SLC8A2: variants seen among roughly 807,000 people sequenced by gnomAD.
SLC8A2 encodes the protein sodium/calcium exchanger 2.
Under a neutral mutation model 70.2 loss-of-function variants are expected in SLC8A2, and 14 were observed. The ratio of observed to expected loss-of-function variants is 0.20; its 90% CI spans 0.13 to 0.31. SLC8A2 has a LOEUF of 0.31. SLC8A2 is among the 10% of genes least tolerant of loss of function. The probability of loss-of-function intolerance (pLI) is 1.00; values close to 1 mark genes in which losing one functional copy is unlikely to be tolerated. For synonymous variants in SLC8A2, 575 were observed against 594.3 expected, an observed-to-expected ratio of 0.97 and a Z score of 0.47; for missense variants, 779 against 1,320.1, an observed-to-expected ratio of 0.59 and a Z score of 6.35.
At position 47,466,142 on chromosome 19, in the gene SLC8A2, T is replaced by A. The variant is rs1348400497; in HGVS notation, c.262A>T (p.Ile88Phe). Residue 88 changes from isoleucine to phenylalanine, a missense_variant, in exon 2 of 10, where the codon ATC becomes TTC. Around this residue, in one of 6 missense-constraint regions of SLC8A2, gnomAD observed 155 missense variants for 318.6 expected, o/e 0.49. Transcript: ENST00000236877. The surrounding 1 kb of genome is among the most constrained non-coding windows in gnomAD (Gnocchi z 6.9). ...GCCGCCATGAAACGGTCGGCGATGA[T>A]GGACACTCCCAGAAACATGTAGACC... ...AMVYMFLGVSIIADRFMAAIE... is the reference protein window; with the variant it reads ...AMVYMFLGVSFIADRFMAAIE... 1 of 1,614,092 alleles carries A rather than the reference T, an allele frequency of 6.2e-7. No homozygotes were observed. Among genetic ancestry groups the A allele is most frequent in the Non-Finnish European group, 8.5e-7 (1 of 1,180,030 alleles).
At chr19:47,435,584 T>C (rs143671194) in intron 8 of SLC8A2, among the ~76,000 whole-genome samples, 3,742 of 151,528 alleles carry the variant, frequency 0.025, 71 homozygotes, top group Non-Finnish European at 0.037. Context: ...AGTTTCGCTT[T>C]GTTGCCCAGG....
intron 8 of SLC8A2, among the ~76,000 whole-genome samples, chr19:47,433,934 G>A (rs1176219103): frequency 1.3e-5 from 2 of 152,134 alleles, no homozygotes; most frequent in Non-Finnish European, 1.5e-5. Flanking sequence ...GTCGGCCACC[G>A]TGCCCAGCCG....
At chr19:47,470,470 G>A (rs916192510) in intron 1 of SLC8A2, among the ~76,000 whole-genome samples, 1 of 151,840 alleles carries the variant, frequency 6.6e-6, no homozygotes, top group African/African-American at 2.4e-5. Context: ...TTCTCTCAAG[G>A]AAGGCAGACA....
At chr19:47,435,997 A>G (rs1451872067) in intron 8 of SLC8A2, among the ~76,000 whole-genome samples, 2 of 152,184 alleles carry the variant, frequency 1.3e-5, no homozygotes, top group Non-Finnish European at 2.9e-5. Flanking sequence ...GTGGTCCACA[A>G]GGAGCAGTGT....
At position 47,447,479 on chromosome 19, in the gene SLC8A2, C is replaced by T; in HGVS notation, c.1763+330G>A. The T allele has an allele frequency of 2.5e-6, 1 of 396,240 alleles. No homozygotes were observed. The highest frequency in any genetic ancestry group is 3.1e-5 in the South Asian group (1 of 32,572). The allele number at this position is 396,240 out of a possible 1,614,324, so 24.5% of individuals were successfully genotyped here. A position where few individuals can be genotyped will look rare whatever the true frequency, so the allele number is the denominator to read the frequency against. On this transcript the variant is annotated intron_variant, in intron 4 of 9. Coordinates refer to ENST00000236877, the MANE Select transcript of SLC8A2 (RefSeq NM_015063.3). This position sits in a 1 kb window ranked among gnomAD's most constrained non-coding sequence, Gnocchi z 5.1. Reference sequence around the variant, plus strand: ...GCCTCGCCTCTTCATTTCACAGTCACAACCCCACCAGGCCCCGCCCACGTG... The same window carrying T: ...GCCTCGCCTCTTCATTTCACAGTCATAACCCCACCAGGCCCCGCCCACGTG...
Position 47,448,011 on chromosome 19 carries a change from G to A in SLC8A2, c.1561C>T (p.His521Tyr). 6.4e-7 allele frequency: 1 copy of A among 1,563,310 alleles called. No homozygotes were observed. Among genetic ancestry groups the A allele is most frequent in the South Asian group, 1.2e-5 (1 of 86,264 alleles). Residue 521 changes from histidine to tyrosine, a missense_variant, in exon 4 of 10, where the codon CAC becomes TAC. This residue lies in a region of SLC8A2 where 247 missense variants were observed against 362.8 expected (regional missense o/e 0.68). Transcript: ENST00000236877. This position sits in a 1 kb window ranked among gnomAD's most constrained non-coding sequence, Gnocchi z 4.8. The stretch of plus-strand genomic sequence containing the variant: ...TCCTGGAAGGAGAAGATGCCTGCGT[G>A]GTCGTCGTCCAGGATGGTGACGGTG... Reference protein sequence around the residue: ...LATVTILDDDHAGIFSFQDRL... With the variant: ...LATVTILDDDYAGIFSFQDRL...
chr19:47,464,719 A>G (rs1967436383), intron 2 of SLC8A2, among the ~76,000 whole-genome samples: 1 of 152,234 alleles, frequency 6.6e-6, no homozygotes, highest in South Asian at 2.1e-4. Flanking sequence ...GCAAAAATAG[A>G]TTACACACAT....
chr19:47,464,609 A>G (rs1301034658), intron 2 of SLC8A2, among the ~76,000 whole-genome samples: 3 of 152,134 alleles, frequency 2.0e-5, no homozygotes, highest in Non-Finnish European at 2.9e-5. Context: ...TCCCTCTGTT[A>G]TATATCCTCC....
At position 47,448,319 on chromosome 19, in the gene SLC8A2, G is replaced by T; in HGVS notation, c.1341-88C>A. The T allele has an allele frequency of 9.9e-7, 1 of 1,010,934 alleles. No homozygotes were observed. Among genetic ancestry groups the T allele is most frequent in the Non-Finnish European group, 1.4e-6 (1 of 690,052 alleles). 62.6% of individuals were successfully genotyped at this position (1,010,934 alleles called of 1,614,324 possible). ...GGGGGGAGTCTGGACGTGCTTCCCA[G>T]AGGAGACGTAGGTGCCATAGAAGAA... is the stretch of plus-strand genomic sequence containing the variant. On this transcript the variant is annotated intron_variant, in intron 3 of 9. Coordinates refer to ENST00000236877, the MANE Select transcript of SLC8A2 (RefSeq NM_015063.3). The surrounding 1 kb of genome is among the most constrained non-coding windows in gnomAD (Gnocchi z 4.8).
chr19:47,437,851 T>G lies in SLC8A2; in HGVS notation c.2008A>C (p.Lys670Gln). The G allele has an allele frequency of 6.2e-7, 1 of 1,614,068 alleles. No homozygotes were observed. The highest frequency in any genetic ancestry group is 8.5e-7 in the Non-Finnish European group (1 of 1,179,992). Residue 670 changes from lysine (K) to glutamine (Q), a missense_variant and splice_region_variant, in exon 7 of 10, where the codon AAG (lysine) becomes CAG (glutamine). Coordinates refer to ENST00000236877, the MANE Select transcript of SLC8A2 (RefSeq NM_015063.3). ...EVIIEESYDFKNTVDKLIKKT... is the reference protein window; with the variant it reads ...EVIIEESYDFQNTVDKLIKKT... Reference sequence around the variant, plus strand: ...AAGGTGAGGCCCCGGAAAATCACCTTAAAATCATATGACTCCTCGATGATG... The same window carrying G: ...AAGGTGAGGCCCCGGAAAATCACCTGAAAATCATATGACTCCTCGATGATG...
chr19:47,462,254 TTTTC>T lies in SLC8A2; in HGVS notation c.675+3471_675+3474del, dbSNP rs747179975. On this transcript the variant is annotated intron_variant, in intron 2 of 9. Coordinates refer to ENST00000236877, the MANE Select transcript of SLC8A2 (RefSeq NM_015063.3). The stretch of plus-strand genomic sequence containing the variant: ...GTTTTATGTATTTCTTTCTTTTTCT[TTTTC>T]TTTCTTTCTTTCTTTCTCTTTTTGA... Among the ~76,000 whole-genome samples, 365 of 152,242 alleles carry T rather than the reference TTTTC, an allele frequency of 2.4e-3. 1 individual carries two copies. Among genetic ancestry groups the T allele is most frequent in the African/African-American group, 7.9e-3 (330 of 41,550 alleles).
chr19:47,452,074 G>A (rs1967241205), intron 3 of SLC8A2, among the ~76,000 whole-genome samples: 1 of 152,122 alleles, frequency 6.6e-6, no homozygotes, highest in East Asian at 1.9e-4. Context: ...TCAATTCAGT[G>A]TTAGATTTCT....
chr19:47,466,308 C>T lies in SLC8A2; in HGVS notation c.96G>A (p.Pro32=), dbSNP rs372124772. 11 of 1,490,808 alleles carry T rather than the reference C, an allele frequency of 7.4e-6. No individual in the cohort carries two copies. The highest frequency in any genetic ancestry group is 2.8e-5 in the African/African-American group (2 of 71,910). The allele number at this position is 1,490,808 out of a possible 1,614,324, so 92.3% of individuals were successfully genotyped here. Residue 32 remains proline (P), a synonymous_variant, in exon 2 of 10, where the codon CCG becomes CCA. Coordinates refer to ENST00000236877, the MANE Select transcript of SLC8A2 (RefSeq NM_015063.3). This position sits in a 1 kb window ranked among gnomAD's most constrained non-coding sequence, Gnocchi z 6.9. ...ATPTPSLPPP[P]ANDSDTSTGG... The stretch of plus-strand genomic sequence containing the variant: ...CTGTGCTGGTGTCGCTGTCATTGGC[C>T]GGGGGAGGCGGCAGGGAGGGGGTTG...
At chr19:47,457,778 TTTC>T (rs756460691) in intron 2 of SLC8A2, among the ~76,000 whole-genome samples, 184 bp from the exon 3 acceptor site, 21 of 143,084 alleles carry the variant, frequency 1.5e-4, no homozygotes, top group Admixed American at 3.5e-4. Context: ...TTTCTTTCTT[TTTC>T]TTTTCTTTTC....
In SLC8A2 at chr19:47,465,376, C is replaced by T. The variant is rs1599860361; in HGVS notation, c.675+353G>A. ...GCATGCATTACACAGATCACAGGGG[C>T]TCCGTTAGTACATACAACACCCTTT... On this transcript the variant is annotated intron_variant, in intron 2 of 9. Transcript: ENST00000236877. The surrounding 1 kb of genome is among the most constrained non-coding windows in gnomAD (Gnocchi z 5.5). 6.6e-6 allele frequency among the ~76,000 whole-genome samples: 1 copy of T among 152,322 alleles called. No homozygotes were observed. The highest frequency in any genetic ancestry group is 1.5e-5 in the Non-Finnish European group (1 of 68,028).
At chr19:47,470,684 A>G (rs909470759) in intron 1 of SLC8A2, among the ~76,000 whole-genome samples, 7 of 152,250 alleles carry the variant, frequency 4.6e-5, no homozygotes, top group Admixed American at 1.3e-4. Flanking sequence ...GAGGTATGGA[A>G]GTGAGACGGC....
chr19:47,449,159 G>A (rs1256001770), intron 3 of SLC8A2, among the ~76,000 whole-genome samples: 1 of 152,160 alleles, frequency 6.6e-6, no homozygotes, highest in African/African-American at 2.4e-5. Flanking sequence ...CAGGATGTCA[G>A]GTGGTGATGG....
At chr19:47,453,544 G>C (rs1440753623) in intron 3 of SLC8A2, among the ~76,000 whole-genome samples, 1 of 152,170 alleles carries the variant, frequency 6.6e-6, no homozygotes, top group Non-Finnish European at 1.5e-5. Context: ...AGGATAGGAA[G>C]ATGTTGACTC....
Position 47,466,582 on chromosome 19 carries a change from ACC to A in SLC8A2, c.-16-165_-16-164del, listed in dbSNP as rs1233590767. ...GAGACACAGAGAGTGACAGACAGAG[ACC>A]CACAGAGAGAGAGAGAGACTGAAAG... On this transcript the variant is annotated intron_variant, in intron 1 of 9. Transcript: ENST00000236877. This position sits in a 1 kb window ranked among gnomAD's most constrained non-coding sequence, Gnocchi z 6.9. Among the ~76,000 whole-genome samples the A allele has an allele frequency of 1.3e-5, 1 of 79,048 alleles. No individual in the cohort carries two copies. Among genetic ancestry groups the A allele is most frequent in the Admixed American group, 1.2e-4 (1 of 8,220 alleles). 51.9% of individuals were successfully genotyped at this position (79,048 alleles called of 152,430 possible).
Sources: allele counts gnomAD v4.1 joint callset (sites outside exome capture counted in the v4.1 genomes callset), GRCh38; gene constraint gnomAD v4.1.1; regional missense constraint gnomAD v4.1.1; non-coding constraint Gnocchi (gnomAD v3.1); transcripts MANE v1.5; gene names NCBI Gene and HGNC (gene_info 2026-07-23, HGNC 2026-07-21).